KSR2: variants seen among roughly 807,000 people sequenced by gnomAD.
KSR2 encodes the protein kinase suppressor of ras 2.
KSR2 carries 25 observed loss-of-function variants against 107.8 expected under a neutral mutation model. The observed-to-expected ratio is 0.23, with a 90% confidence interval of 0.17 to 0.32. The LOEUF is 0.32. Among genes scored for constraint, KSR2 ranks in the 10% least tolerant of loss-of-function variants. The pLI is 1.00. For missense variants in KSR2, 887 were observed against 1,268.9 expected (o/e 0.70, Z 4.57); for synonymous variants, 480 against 507.0 (o/e 0.95, Z 0.71).
chr12:117,664,083 C>G (rs566636403), intron 5 of KSR2, among the ~76,000 whole-genome samples: 32 of 152,310 alleles, frequency 2.1e-4, no homozygotes, highest in Middle Eastern at 3.4e-3. Flanking sequence ...GCTATGAACC[C>G]CAAGGGCTGG....
intron 3 of KSR2, among the ~76,000 whole-genome samples, chr12:117,793,541 G>T (rs149889942): frequency 9.6e-6 from 1 of 103,782 alleles, no homozygotes; most frequent in African/African-American, 3.8e-5. Flanking sequence ...GTGCACTCAC[G>T]CCAACATGCA....
rs75190549 is a variant in KSR2, at chr12:117,917,698, C to T, written c.180+50378G>A. Among the ~76,000 whole-genome samples, 1,239 of 152,176 alleles carry T rather than the reference C, an allele frequency of 8.1e-3. 31 individuals are homozygous for T. The East Asian group carries it at 0.087, about 11-fold the overall frequency. Reference sequence around the variant, plus strand: ...GGCCTCAAACTGTCAACATAATGCACGCACCCACGGATGAATATATTTACC... The same window carrying T: ...GGCCTCAAACTGTCAACATAATGCATGCACCCACGGATGAATATATTTACC... On this transcript the variant is annotated intron_variant, in intron 1 of 19. Coordinates refer to ENST00000339824, the MANE Select transcript of KSR2 (RefSeq NM_173598.6).
rs1350432863 is a variant in KSR2, at chr12:117,458,876, A to G, written c.*8323T>C. The G allele has an allele frequency of 6.6e-6, 1 of 152,160 alleles. No homozygotes were observed. Among genetic ancestry groups the G allele is most frequent in the Non-Finnish European group, 1.5e-5 (1 of 68,044 alleles). 9.4% of individuals were successfully genotyped at this position (152,160 alleles called of 1,614,324 possible). On this transcript the variant is annotated 3_prime_UTR_variant, in exon 20 of 20. Coordinates refer to ENST00000339824, the MANE Select transcript of KSR2 (RefSeq NM_173598.6). Reference sequence around the variant, plus strand: ...TCAGGCTCCTTTTCCTGCCCTTTATATGCAGCACCCCCTGACTTCCCAGAA... The same window carrying G: ...TCAGGCTCCTTTTCCTGCCCTTTATGTGCAGCACCCCCTGACTTCCCAGAA...
chr12:117,895,008 T>C (rs908796079), intron 1 of KSR2, among the ~76,000 whole-genome samples: 9 of 151,678 alleles, frequency 5.9e-5, no homozygotes, highest in East Asian at 1.9e-4. Flanking sequence ...GCCAAGAGGA[T>C]TGCTTGAGTC....
chr12:117,620,688 T>C (rs756809358), intron 5 of KSR2, among the ~76,000 whole-genome samples: 1 of 152,178 alleles, frequency 6.6e-6, no homozygotes, highest in Non-Finnish European at 1.5e-5. Flanking sequence ...GTGAACTCAT[T>C]CTCTGCTTAC....
At position 117,633,840 on chromosome 12, in the gene KSR2, G is replaced by A. The variant is rs138255180; in HGVS notation, c.1171+33634C>T. ...GATGCTACTCAACCCGGTACAGGGA[G>A]ACAAATTGGGGGTGGAATTTCACCT... On this transcript the variant is annotated intron_variant, in intron 5 of 19. Coordinates refer to ENST00000339824, the MANE Select transcript of KSR2 (RefSeq NM_173598.6). Among the ~76,000 whole-genome samples the A allele has an allele frequency of 3.8e-4, 58 of 152,300 alleles. 1 individual carries two copies. Among genetic ancestry groups the A allele is most frequent in the Non-Finnish European group, 7.5e-4 (51 of 68,028 alleles).
At chr12:117,535,604 TTGTG>T (rs5801239) in intron 10 of KSR2, among the ~76,000 whole-genome samples, 33,378 of 141,930 alleles carry the variant, frequency 0.24, 3,930 homozygotes, top group Non-Finnish European at 0.29. Context: ...TTTCCTGGAG[TTGTG>T]TGTGTGTGTG....
chr12:117,860,208 C>G, intron 2 of KSR2, 83 bp downstream of exon 2: 1 of 1,457,084 alleles, frequency 6.9e-7, no homozygotes, highest in Non-Finnish European at 9.4e-7. Flanking sequence ...CTGGGCACAG[C>G]CAGAAACCTG....
At chr12:117,917,934 A>C (rs191873490) in intron 1 of KSR2, among the ~76,000 whole-genome samples, 2 of 152,344 alleles carry the variant, frequency 1.3e-5, no homozygotes, top group South Asian at 2.1e-4. Context: ...CTTGAAAAAG[A>C]AGCAGAAGAT....
chr12:117,712,500 A>C (rs973661961), intron 4 of KSR2, among the ~76,000 whole-genome samples: 2 of 152,160 alleles, frequency 1.3e-5, no homozygotes, highest in Admixed American at 6.5e-5. Flanking sequence ...ACCCAGCAAC[A>C]AGACATTCTC....
At chr12:117,740,016 C>T (rs889690022) in intron 4 of KSR2, among the ~76,000 whole-genome samples, 5 of 150,950 alleles carry the variant, frequency 3.3e-5, no homozygotes, top group Admixed American at 2.0e-4. Context: ...GTGAGATTTT[C>T]GTGCACCCAT....
chr12:117,815,792 T>C (rs1170031913), intron 3 of KSR2, among the ~76,000 whole-genome samples: 4 of 151,846 alleles, frequency 2.6e-5, no homozygotes, highest in African/African-American at 9.7e-5. Context: ...CTGGCCAACA[T>C]GGTGAAACCC....
rs1287567392 is a variant in KSR2 at position 117,611,038 on chromosome 12, G to A, written c.1172-28679C>T. Among the ~76,000 whole-genome samples, 4 of 152,168 alleles carry A rather than the reference G, an allele frequency of 2.6e-5. No individual in the cohort carries two copies. The East Asian group carries it at 5.8e-4, about 22-fold the overall frequency. ...GATTTGTACAGGCTGCATAGTTTAC[G>A]CTACTGTCTAAGATTATATCACCTA... On this transcript the variant is annotated intron_variant, in intron 5 of 19. Coordinates refer to ENST00000339824, the MANE Select transcript of KSR2 (RefSeq NM_173598.6).
chr12:117,516,180 CAGA>C (rs765203531), intron 14 of KSR2, among the ~76,000 whole-genome samples: 55 of 152,290 alleles, frequency 3.6e-4, no homozygotes, highest in South Asian at 6.2e-4. Context: ...ACCTCAGCTT[CAGA>C]AGAAGTCCAT....
chr12:117,509,933 G>A (rs911010565), intron 14 of KSR2, among the ~76,000 whole-genome samples: 8 of 152,164 alleles, frequency 5.3e-5, no homozygotes, highest in African/African-American at 1.7e-4. Flanking sequence ...TGCCATCAAA[G>A]GGAGAAGATG....
chr12:117,599,294 A>C lies in KSR2; in HGVS notation c.1172-16935T>G, dbSNP rs60231033. On this transcript the variant is annotated intron_variant, in intron 5 of 19. Transcript: ENST00000339824. ...CCTGCAACTGCCCCTCTTGGCCCTT[A>C]ACAGCACTAATGACTCCAGGTCACT... 4.1e-3 allele frequency among the ~76,000 whole-genome samples: 627 copies of C among 152,300 alleles called. 9 individuals are homozygous for C. The highest frequency in any genetic ancestry group is 0.014 in the African/African-American group (582 of 41,560).
rs1871089320 is a variant in KSR2, at chr12:117,465,245, A to G, written c.*1954T>C. 1 of 152,222 alleles carries G rather than the reference A, an allele frequency of 6.6e-6. No homozygotes were observed. The highest frequency in any genetic ancestry group is 1.5e-5 in the Non-Finnish European group (1 of 68,072). The allele number at this position is 152,222 out of a possible 1,614,324, so 9.4% of individuals were successfully genotyped here. ...GGGGAGGTGTCCATTGACAAGAGCC[A>G]TCCCCAGCAACCCCAGAGTGGCTGG... On this transcript the variant is annotated 3_prime_UTR_variant, in exon 20 of 20. Coordinates refer to ENST00000339824, the MANE Select transcript of KSR2 (RefSeq NM_173598.6).
intron 17 of KSR2, among the ~76,000 whole-genome samples, chr12:117,475,634 C>T (rs967944773): frequency 1.3e-5 from 2 of 152,248 alleles, no homozygotes; most frequent in Middle Eastern, 3.4e-3. Context: ...TGGATGTTTC[C>T]TTATCTGCCT....
intron 5 of KSR2, among the ~76,000 whole-genome samples, chr12:117,626,914 G>A (rs6490137): frequency 0.91 from 138,407 of 152,232 alleles, 63,178 homozygotes; most frequent in East Asian, 0.99. Flanking sequence ...ATAAATTTAG[G>A]ATAGTTAGCT....
Sources: allele counts gnomAD v4.1 joint callset (sites outside exome capture counted in the v4.1 genomes callset), GRCh38; gene constraint gnomAD v4.1.1; transcripts MANE v1.5; gene names NCBI Gene and HGNC (gene_info 2026-07-23, HGNC 2026-07-21).